DPP8: variants seen among roughly 807,000 people sequenced by gnomAD.
The protein encoded by DPP8 is DPP VIII.
Under a neutral mutation model 107.5 loss-of-function variants are expected in DPP8, and 31 were observed. That is an observed-to-expected ratio of 0.29 (90% confidence interval 0.22 to 0.39). The LOEUF (loss-of-function observed/expected upper bound fraction) is 0.39, where lower values mean the gene tolerates loss of function less well. DPP8 is among the 10% of genes least tolerant of loss of function. DPP8 has a pLI of 1.00. For synonymous variants in DPP8, 381 were observed against 356.6 expected (o/e 1.07, Z -0.77); for missense variants, 842 against 1,076.1 (o/e 0.78, Z 3.04).
At chr15:65,465,833 C>A (rs1000005843) in intron 14 of DPP8, among the ~76,000 whole-genome samples, 2 of 151,982 alleles carry the variant, frequency 1.3e-5, no homozygotes, top group African/African-American at 4.8e-5. Flanking sequence ...TGGGATTACA[C>A]GTGTGAGCCA....
intron 5 of DPP8, among the ~76,000 whole-genome samples, chr15:65,495,261 C>G (rs781461900): frequency 6.6e-6 from 1 of 152,144 alleles, no homozygotes; most frequent in Non-Finnish European, 1.5e-5. Context: ...TAGGTGTCAT[C>G]TTTTCTGGAA....
chr15:65,454,466 T>C (rs764901709), intron 16 of DPP8, 51 bp from the exon 17 acceptor site: 1 of 1,469,100 alleles, frequency 6.8e-7, no homozygotes, highest in East Asian at 2.5e-5. Flanking sequence ...AAAAGTCTCG[T>C]AAGAGTGCTT....
chr15:65,466,607 A>G (rs567903589), intron 14 of DPP8, 71 bp downstream of exon 14: 2 of 1,384,288 alleles, frequency 1.4e-6, no homozygotes, highest in East Asian at 4.6e-5. Flanking sequence ...AAATGTGAAA[A>G]TATGACACAC....
rs1277480361 is a variant in DPP8, at chr15:65,444,694, G to C, written c.*2190C>G. On this transcript the variant is annotated 3_prime_UTR_variant, in exon 20 of 20. Coordinates refer to ENST00000300141, the MANE Select transcript of DPP8 (RefSeq NM_130434.5). The stretch of plus-strand genomic sequence containing the variant: ...GAAAGGAGAAGGCAACATGCAAAAG[G>C]AAAACACCTGTGAACTCCAGAGTAC... 1.3e-5 allele frequency: 2 copies of C among 152,142 alleles called. No individual in the cohort carries two copies. Among genetic ancestry groups the C allele is most frequent in the Non-Finnish European group, 1.5e-5 (1 of 68,026 alleles). 9.4% of individuals were successfully genotyped at this position (152,142 alleles called of 1,614,324 possible).
intron 4 of DPP8, 57 bp from the exon 5 acceptor site, chr15:65,498,089 G>T: frequency 7.9e-7 from 1 of 1,268,640 alleles, no homozygotes; most frequent in Non-Finnish European, 1.1e-6. Context: ...ACATGTTCCA[G>T]CACCCTTCCT....
chr15:65,449,337 A>T (rs1233563318), intron 19 of DPP8, among the ~76,000 whole-genome samples: 1 of 150,466 alleles, frequency 6.6e-6, no homozygotes. Context: ...CCTTTAAGAA[A>T]CTACCACTTG....
chr15:65,500,435 G>A (rs560508972), intron 4 of DPP8, among the ~76,000 whole-genome samples, 171 bp downstream of exon 4: 6 of 151,354 alleles, frequency 4.0e-5, no homozygotes, highest in Non-Finnish European at 5.9e-5. Flanking sequence ...AAAAAAAATC[G>A]CTCTTAAAAT....
At chr15:65,500,024 T>G (rs1274249732) in intron 4 of DPP8, among the ~76,000 whole-genome samples, 1 of 152,108 alleles carries the variant, frequency 6.6e-6, no homozygotes, top group Non-Finnish European at 1.5e-5. Flanking sequence ...GACTCCTGAG[T>G]ATCTGGGATT....
chr15:65,451,641 T>C (rs2063982215), intron 18 of DPP8, among the ~76,000 whole-genome samples: 1 of 152,156 alleles, frequency 6.6e-6, no homozygotes, highest in Admixed American at 6.6e-5. Context: ...AAGCTTGAAT[T>C]AGGCTGTGCC....
At chr15:65,454,545 G>A (rs1051724953) in intron 16 of DPP8, 130 bp from the exon 17 acceptor site, 2 of 806,812 alleles carry the variant, frequency 2.5e-6, no homozygotes, top group African/African-American at 3.7e-5. Context: ...TTTATTTTTT[G>A]AGATGGAGTC....
At chr15:65,500,336 T>C (rs1326331645) in intron 4 of DPP8, among the ~76,000 whole-genome samples, 1 of 151,884 alleles carries the variant, frequency 6.6e-6, no homozygotes, top group Admixed American at 6.6e-5. Flanking sequence ...GAGAATCACT[T>C]GAACCCAGGA....
chr15:65,451,147 A>C (rs1368200287), intron 18 of DPP8, 37 bp from the exon 19 acceptor site: 2 of 1,247,950 alleles, frequency 1.6e-6, no homozygotes, highest in Non-Finnish European at 2.3e-6. Context: ...TAGGCAAAAT[A>C]GTAGAGTATT....
chr15:65,475,937 G>GAGAT (rs2140650828), intron 11 of DPP8, among the ~76,000 whole-genome samples: 1 of 152,100 alleles, frequency 6.6e-6, no homozygotes, highest in South Asian at 2.1e-4. Flanking sequence ...CTTTTTTGTA[G>GAGAT]AGATGGGGTT....
At chr15:65,501,129 G>A (rs1395940578) in intron 3 of DPP8, among the ~76,000 whole-genome samples, 1 of 151,858 alleles carries the variant, frequency 6.6e-6, no homozygotes, top group Admixed American at 6.6e-5. Flanking sequence ...CGCCTGCCTC[G>A]GCCTCCCAAA....
At chr15:65,513,331 G>C (rs2071043443) in intron 1 of DPP8, among the ~76,000 whole-genome samples, 1 of 152,024 alleles carries the variant, frequency 6.6e-6, no homozygotes, top group African/African-American at 2.4e-5. Flanking sequence ...CTCTGCCTTA[G>C]CCTCCCCAGT....
intron 13 of DPP8, 65 bp from the exon 14 acceptor site, chr15:65,466,878 T>A: frequency 2.0e-6 from 3 of 1,501,412 alleles, no homozygotes; most frequent in South Asian, 1.2e-5. Context: ...TGCTGTTACA[T>A]CTGCACTAAT....
Position 65,512,327 on chromosome 15 carries a change from T to C in DPP8, c.227A>G (p.Asp76Gly). 6.2e-7 allele frequency: 1 copy of C among 1,613,762 alleles called. No homozygotes were observed. The highest frequency in any genetic ancestry group is 8.5e-7 in the Non-Finnish European group (1 of 1,179,972). ...DFMFVKRNDP[D>G]GPHSDRIYYL... Reference sequence around the variant, plus strand: ...ATAGATTCTGTCTGAATGAGGTCCATCTGGATCATTCCTCTTCACAAACAT... The same window carrying C: ...ATAGATTCTGTCTGAATGAGGTCCACCTGGATCATTCCTCTTCACAAACAT... The change falls in exon 2 of 20, where the codon GAT becomes GGT. Residue 76 changes from aspartate to glycine, a missense_variant. Around this residue, in one of 2 missense-constraint regions of DPP8, gnomAD observed 663 missense variants for 758.0 expected, o/e 0.87. Transcript: ENST00000300141.
At chr15:65,468,583 C>T (rs968236968) in intron 12 of DPP8, among the ~76,000 whole-genome samples, 4 of 151,650 alleles carry the variant, frequency 2.6e-5, no homozygotes, top group African/African-American at 9.7e-5. Flanking sequence ...GCCTTTTTTC[C>T]CCCCAGGAAG....
At chr15:65,485,711 A>G (rs1444349388) in intron 7 of DPP8, among the ~76,000 whole-genome samples, 1 of 151,962 alleles carries the variant, frequency 6.6e-6, no homozygotes, top group East Asian at 1.9e-4. Context: ...TAATCCCAGC[A>G]CTTTGAGAGG....
Sources: gnomAD v4.1 joint callset for allele counts (sites outside exome capture counted in the v4.1 genomes callset) on GRCh38, gnomAD v4.1.1 for gene constraint, gnomAD v4.1.1 regional missense constraint, MANE v1.5 for transcripts, NCBI Gene and HGNC (gene_info 2026-07-23, HGNC 2026-07-21) for gene names.